MRTFB: variants seen among roughly 807,000 people sequenced by gnomAD.
MRTFB encodes myocardin related transcription factor B.
In MRTFB, 29 loss-of-function variants were observed where a neutral mutation model predicts 104.2. The ratio of observed to expected loss-of-function variants is 0.28; its 90% CI spans 0.21 to 0.38. The LOEUF is 0.38. Ranked by LOEUF, MRTFB falls within the 10% of genes least tolerant of loss-of-function variation. The pLI, the probability that MRTFB is intolerant of heterozygous loss-of-function variation, is 1.00. For missense variants in MRTFB, 1,270 were observed against 1,341.6 expected (o/e 0.95, Z 0.83); for synonymous variants, 535 against 519.5 (o/e 1.03, Z -0.41).
rs142062484 is a variant in MRTFB at position 14,177,903 on chromosome 16, GGTGT to G, written c.155-32310_155-32307del. 1.2e-3 allele frequency among the ~76,000 whole-genome samples: 169 copies of G among 146,052 alleles called. No individual in the cohort carries two copies. The South Asian group carries it at 0.012, about 10-fold the overall frequency. ...CGAGAAGTACATGAACCAGAGGTAG[GGTGT>G]GTGTGTGTGTGTGTGTGTGTGTGTG... On this transcript the variant is annotated intron_variant, in intron 3 of 16. Coordinates refer to ENST00000571589, the MANE Select transcript of MRTFB (RefSeq NM_001308142.2). The surrounding 1 kb of genome is among the most constrained non-coding windows in gnomAD (Gnocchi z 4.7).
At chr16:14,260,670 T>C (rs984796236) in intron 16 of MRTFB, among the ~76,000 whole-genome samples, 2 of 152,248 alleles carry the variant, frequency 1.3e-5, no homozygotes, top group Non-Finnish European at 2.9e-5. Flanking sequence ...GTCTGCTGAC[T>C]AAATTTACAA....
chr16:14,020,032 G>A, the MRTFB span, among the ~76,000 whole-genome samples: 1 of 152,164 alleles, frequency 6.6e-6, no homozygotes, highest in Non-Finnish European at 1.5e-5. Flanking sequence ...CTAAGCATGT[G>A]ATAAACCCTT....
At chr16:14,161,650 A>G (rs1384084795) in intron 3 of MRTFB, among the ~76,000 whole-genome samples, 1 of 152,156 alleles carries the variant, frequency 6.6e-6, no homozygotes, top group Non-Finnish European at 1.5e-5. Context: ...GAGAAAATCA[A>G]CTCGTCCAGT....
chr16:14,265,615 G>A lies in MRTFB; in HGVS notation c.*4171G>A, dbSNP rs1470513270. ...ACTCTGTCTGCATGGCAATGAGCAG[G>A]TGCGTGTTTTTTCCACATTCGCCCT... On this transcript the variant is annotated 3_prime_UTR_variant, in exon 17 of 17. Coordinates refer to ENST00000571589, the MANE Select transcript of MRTFB (RefSeq NM_001308142.2). 6.6e-6 allele frequency: 1 copy of A among 152,184 alleles called. No homozygotes were observed. The highest frequency in any genetic ancestry group is 1.5e-5 in the Non-Finnish European group (1 of 68,042). The allele number at this position is 152,184 out of a possible 1,614,324, so 9.4% of individuals were successfully genotyped here. A position where few individuals can be genotyped will look rare whatever the true frequency, so the allele number is the denominator to read the frequency against.
chr16:14,166,984 C>T (rs1011501247), intron 3 of MRTFB, among the ~76,000 whole-genome samples: 1 of 152,008 alleles, frequency 6.6e-6, no homozygotes, highest in Admixed American at 6.6e-5. Flanking sequence ...TGTGCACATA[C>T]CTTGATAATA....
the MRTFB span, among the ~76,000 whole-genome samples, chr16:13,998,586 C>T: frequency 6.6e-6 from 1 of 151,756 alleles, no homozygotes; most frequent in South Asian, 2.1e-4. Context: ...TTTGAGGCTG[C>T]AGTGAGCTAT....
At chr16:14,065,532 G>C in the MRTFB span, among the ~76,000 whole-genome samples, 1 of 152,060 alleles carries the variant, frequency 6.6e-6, no homozygotes, top group African/African-American at 2.4e-5. Context: ...TCCTTGTCTT[G>C]TTCTGGTTTT....
the MRTFB span, among the ~76,000 whole-genome samples, chr16:14,038,444 G>C: frequency 6.6e-6 from 1 of 152,122 alleles, no homozygotes. Flanking sequence ...GTGCTCCTGT[G>C]GTGGTGGGAC....
At chr16:14,185,168 G>T (rs995987073) in intron 3 of MRTFB, among the ~76,000 whole-genome samples, 2 of 152,180 alleles carry the variant, frequency 1.3e-5, no homozygotes, top group African/African-American at 4.8e-5. Flanking sequence ...TCCTGCAGAG[G>T]TTTGGACTGC....
chr16:14,212,509 A>G lies in MRTFB; in HGVS notation c.276+100A>G, dbSNP rs955336040. The G allele has an allele frequency of 2.0e-4, 208 of 1,045,210 alleles. 1 individual carries two copies. In the Middle Eastern group the frequency reaches 2.5e-3, roughly 12 times the overall value. 64.7% of individuals were successfully genotyped at this position (1,045,210 alleles called of 1,614,324 possible). A position where few individuals can be genotyped will look rare whatever the true frequency, so the allele number is the denominator to read the frequency against. On this transcript the variant is annotated intron_variant, in intron 5 of 16. Transcript: ENST00000571589. The stretch of plus-strand genomic sequence containing the variant: ...AGCAGTGTTACTCCTAAATATGTCA[A>G]TAGAGAAAAAATAGTGTATTTTCAG...
intron 3 of MRTFB, chr16:14,142,918 G>A (rs1287316227): frequency 2.0e-5 from 3 of 152,158 alleles, no homozygotes; most frequent in African/African-American, 4.8e-5. Context: ...ATTTATTAAT[G>A]TAGTTACATT....
chr16:14,189,917 A>G (rs975207464), intron 3 of MRTFB, among the ~76,000 whole-genome samples: 6 of 152,188 alleles, frequency 3.9e-5, no homozygotes, highest in African/African-American at 1.4e-4. Flanking sequence ...TTATGAGGGG[A>G]AAACAGCCTT....
intron 3 of MRTFB, among the ~76,000 whole-genome samples, chr16:14,202,978 C>T (rs948251977): frequency 6.6e-6 from 1 of 152,190 alleles, no homozygotes; most frequent in Non-Finnish European, 1.5e-5. Context: ...CCAACCACTT[C>T]ATTCTCTTAA....
chr16:13,997,928 A>G, the MRTFB span, among the ~76,000 whole-genome samples: 2 of 152,154 alleles, frequency 1.3e-5, no homozygotes, highest in East Asian at 1.9e-4. Flanking sequence ...CTTACCGTCT[A>G]GAGAAAGGAG....
rs2036183322 is a variant in MRTFB, at chr16:14,109,909, C to T, written c.-64+30555C>T. ...TTCCAGTGTTTGCCAGGGAACCATA[C>T]ACATGGCTCAAGATTTTCATCACAA... is the stretch of plus-strand genomic sequence containing the variant. On this transcript the variant is annotated intron_variant, in intron 2 of 16. Coordinates refer to ENST00000571589, the MANE Select transcript of MRTFB (RefSeq NM_001308142.2). Among the ~76,000 whole-genome samples, 3 of 152,174 alleles carry T rather than the reference C, an allele frequency of 2.0e-5. No homozygotes were observed. In the South Asian group the frequency reaches 6.2e-4, roughly 31 times the overall value.
chr16:14,235,990 G>C (rs939470465), intron 9 of MRTFB, among the ~76,000 whole-genome samples: 1 of 152,124 alleles, frequency 6.6e-6, no homozygotes, highest in South Asian at 2.1e-4. Flanking sequence ...AGCCAGCCTG[G>C]GCAACATGGC....
chr16:14,150,880 A>C (rs1391178812), intron 3 of MRTFB: 1 of 152,146 alleles, frequency 6.6e-6, no homozygotes, highest in Non-Finnish European at 1.5e-5. Flanking sequence ...TCTTGGGAGC[A>C]CCTCCAGAAT....
At chr16:14,228,476 G>A (rs1177974541) in intron 8 of MRTFB, among the ~76,000 whole-genome samples, 1 of 152,058 alleles carries the variant, frequency 6.6e-6, no homozygotes, top group African/African-American at 2.4e-5. Context: ...TCAGGAGGCT[G>A]AGGCAGGAGA....
At chr16:14,244,947 G>C (rs76349874) in intron 10 of MRTFB, among the ~76,000 whole-genome samples, 2 of 152,278 alleles carry the variant, frequency 1.3e-5, no homozygotes, top group African/African-American at 4.8e-5. Flanking sequence ...ATACTATCCT[G>C]AGTGTTTTTC....
Sources: allele counts gnomAD v4.1 joint callset (sites outside exome capture counted in the v4.1 genomes callset), GRCh38; gene constraint gnomAD v4.1.1; non-coding constraint Gnocchi (gnomAD v3.1); transcripts MANE v1.5; gene names NCBI Gene and HGNC (gene_info 2026-07-23, HGNC 2026-07-21).